Variants in TMEM163 observed in about 807,000 individuals in gnomAD.
TMEM163 encodes transmembrane protein 163.
Under a neutral mutation model 29.3 loss-of-function variants are expected in TMEM163, and 17 were observed. That is an observed-to-expected ratio of 0.58 (90% CI 0.40 to 0.87). The LOEUF (loss-of-function observed/expected upper bound fraction) is 0.87, where lower values mean the gene tolerates loss of function less well. Ranked by LOEUF, TMEM163 falls within the 40% of genes least tolerant of loss-of-function variation. TMEM163 has a pLI of 0.00. For synonymous variants in TMEM163, 157 were observed against 160.6 expected, an observed-to-expected ratio of 0.98 and a Z score of 0.17; for missense variants, 303 against 381.5, an observed-to-expected ratio of 0.79 and a Z score of 1.71.
chr2:134,625,722 A>G (rs1292824618), intron 2 of TMEM163, among the ~76,000 whole-genome samples: 1 of 152,242 alleles, frequency 6.6e-6, no homozygotes, highest in Non-Finnish European at 1.5e-5. Flanking sequence ...GTGACATAAA[A>G]GGTACAAAAG....
At chr2:134,674,157 C>T (rs2104869000) in intron 2 of TMEM163, among the ~76,000 whole-genome samples, 1 of 152,118 alleles carries the variant, frequency 6.6e-6, no homozygotes, top group South Asian at 2.1e-4. Context: ...TATAAATTCT[C>T]CCATATCTGA....
chr2:134,502,404 G>A (rs1558924995), intron 5 of TMEM163, among the ~76,000 whole-genome samples: 1 of 152,200 alleles, frequency 6.6e-6, no homozygotes, highest in Non-Finnish European at 1.5e-5. Flanking sequence ...AGAGGACAAA[G>A]CAGTCAAAGA....
intron 4 of TMEM163, among the ~76,000 whole-genome samples, chr2:134,505,239 C>CCTTTTTTTTTTTTTTTTT (rs373282805): frequency 1.5e-5 from 2 of 130,234 alleles, no homozygotes. Flanking sequence ...TGGGGAATTC[C>CCTTTTTTTTTTTTTTTTT]TTTTTTTTTT....
At chr2:134,586,388 T>C (rs1681824902) in intron 2 of TMEM163, among the ~76,000 whole-genome samples, 1 of 152,214 alleles carries the variant, frequency 6.6e-6, no homozygotes, top group African/African-American at 2.4e-5. Context: ...GCTGGTGGTT[T>C]GCTGGCAAAC....
chr2:134,661,545 A>G (rs968661924), intron 2 of TMEM163, among the ~76,000 whole-genome samples: 1 of 152,224 alleles, frequency 6.6e-6, no homozygotes, highest in African/African-American at 2.4e-5. Context: ...AGATCGTGCA[A>G]CCCTATTCAA....
At chr2:134,670,005 G>C (rs1683955768) in intron 2 of TMEM163, among the ~76,000 whole-genome samples, 1 of 152,124 alleles carries the variant, frequency 6.6e-6, no homozygotes, top group Non-Finnish European at 1.5e-5. Flanking sequence ...GAACCACCCA[G>C]ATGAGGGGCT....
At position 134,501,985 on chromosome 2, in the gene TMEM163, G is replaced by A. The variant is rs779271066; in HGVS notation, c.555+916C>T. 5.9e-5 allele frequency among the ~76,000 whole-genome samples: 9 copies of A among 152,228 alleles called. No individual in the cohort carries two copies. The Middle Eastern group carries it at 0.01, about 173-fold the overall frequency. On this transcript the variant is annotated intron_variant, in intron 5 of 7. Coordinates refer to ENST00000281924, the MANE Select transcript of TMEM163 (RefSeq NM_030923.5). The stretch of plus-strand genomic sequence containing the variant: ...AACAACTTAAAGCAGCCACTTTCAT[G>A]CCTCTACTAAATGCAGGAGAATGTC...
At chr2:134,562,663 T>G (rs1681208253) in intron 2 of TMEM163, among the ~76,000 whole-genome samples, 1 of 152,198 alleles carries the variant, frequency 6.6e-6, no homozygotes, top group Non-Finnish European at 1.5e-5. Context: ...GAAACTATGC[T>G]GAACAAACAC....
chr2:134,606,616 T>G (rs999052771), intron 2 of TMEM163, among the ~76,000 whole-genome samples: 3 of 152,152 alleles, frequency 2.0e-5, no homozygotes, highest in Admixed American at 6.5e-5. Context: ...ACAGGGGCTG[T>G]GCCTCCTGTG....
At chr2:134,645,492 T>A (rs1268261382) in intron 2 of TMEM163, among the ~76,000 whole-genome samples, 3 of 152,168 alleles carry the variant, frequency 2.0e-5, no homozygotes, top group Non-Finnish European at 4.4e-5. Context: ...AAGAGAAAAC[T>A]TATGTTAACA....
At chr2:134,528,903 A>G (rs1680353149) in intron 4 of TMEM163, among the ~76,000 whole-genome samples, 1 of 152,256 alleles carries the variant, frequency 6.6e-6, no homozygotes, top group Non-Finnish European at 1.5e-5. Flanking sequence ...ACGGTGCATC[A>G]ATAAGATGCA....
chr2:134,632,909 ATTTTTTTTTTT>A (rs57488299), intron 2 of TMEM163, among the ~76,000 whole-genome samples: 1 of 118,638 alleles, frequency 8.4e-6, no homozygotes, highest in East Asian at 2.4e-4. Flanking sequence ...CACCCAGCTA[ATTTTTTTTTTT>A]TTTTTTTTTT....
At chr2:134,583,160 C>T (rs80140783) in intron 2 of TMEM163, among the ~76,000 whole-genome samples, 3,189 of 152,272 alleles carry the variant, frequency 0.021, 120 homozygotes, top group African/African-American at 0.073. Flanking sequence ...CTTTGGAATC[C>T]AGCTACCCAG....
intron 2 of TMEM163, among the ~76,000 whole-genome samples, chr2:134,605,625 G>A (rs529678132): frequency 2.0e-5 from 3 of 151,904 alleles, no homozygotes; most frequent in Non-Finnish European, 4.4e-5. Flanking sequence ...TGGAACCCGG[G>A]AGGTGAGCTG....
At chr2:134,611,190 T>G (rs1682498354) in intron 2 of TMEM163, among the ~76,000 whole-genome samples, 1 of 152,216 alleles carries the variant, frequency 6.6e-6, no homozygotes, top group Non-Finnish European at 1.5e-5. Context: ...CCCAGTAGAA[T>G]CCAGGCTGTC....
chr2:134,590,031 A>C (rs952736322), intron 2 of TMEM163, among the ~76,000 whole-genome samples: 1 of 152,196 alleles, frequency 6.6e-6, no homozygotes, highest in African/African-American at 2.4e-5. Flanking sequence ...AGTTTTAATA[A>C]ATAGACTTGC....
chr2:134,695,062 A>T (rs572121251), intron 2 of TMEM163, among the ~76,000 whole-genome samples: 2 of 152,334 alleles, frequency 1.3e-5, no homozygotes, highest in South Asian at 4.1e-4. Context: ...TAGAGAACTA[A>T]ATGATGGAAA....
intron 2 of TMEM163, among the ~76,000 whole-genome samples, chr2:134,670,239 A>AT (rs1174400624): frequency 6.6e-6 from 1 of 151,206 alleles, no homozygotes; most frequent in Admixed American, 6.6e-5. Context: ...AGTAGAGTAA[A>AT]TGGCACCTTT....
At chr2:134,690,026 G>C (rs1410573444) in intron 2 of TMEM163, among the ~76,000 whole-genome samples, 2 of 151,984 alleles carry the variant, frequency 1.3e-5, no homozygotes, top group Non-Finnish European at 2.9e-5. Context: ...CACCTCCTAG[G>C]TTCAAGCAAC....
Sources: allele counts gnomAD v4.1 joint callset (sites outside exome capture counted in the v4.1 genomes callset), GRCh38; gene constraint gnomAD v4.1.1; transcripts MANE v1.5; gene names NCBI Gene and HGNC (gene_info 2026-07-23, HGNC 2026-07-21).